HPSE2: variants seen among roughly 807,000 people sequenced by gnomAD.
HPSE2 encodes heparanase 2 (inactive).
HPSE2 carries 38 observed loss-of-function variants against 60.5 expected under a neutral mutation model. The ratio of observed to expected loss-of-function variants is 0.63; its 90% CI spans 0.48 to 0.82. The LOEUF is 0.82. Among genes scored for constraint, HPSE2 ranks in the 40% least tolerant of loss-of-function variants. HPSE2 has a pLI of 0.00. For missense variants in HPSE2, 713 were observed against 740.4 expected (o/e 0.96, Z 0.43); for synonymous variants, 295 against 293.2 (o/e 1.01, Z -0.06).
chr10:98,833,933 T>G (rs1951736684), intron 3 of HPSE2, among the ~76,000 whole-genome samples: 1 of 152,124 alleles, frequency 6.6e-6, no homozygotes. Context: ...TCAATCAGAC[T>G]TTAAGCAAGA....
intron 3 of HPSE2, among the ~76,000 whole-genome samples, chr10:98,897,667 C>A (rs1342259041): frequency 6.6e-6 from 1 of 151,940 alleles, no homozygotes; most frequent in East Asian, 1.9e-4. Flanking sequence ...AAAAACAAAG[C>A]TAGATTCAGA....
At chr10:98,843,138 G>A (rs552261466) in intron 3 of HPSE2, among the ~76,000 whole-genome samples, 1 of 151,578 alleles carries the variant, frequency 6.6e-6, no homozygotes, top group South Asian at 2.1e-4. Flanking sequence ...CATCACCCGG[G>A]TATTAAGCCT....
At chr10:99,138,340 T>A (rs1353472142) in intron 3 of HPSE2, among the ~76,000 whole-genome samples, 2 of 152,194 alleles carry the variant, frequency 1.3e-5, no homozygotes, top group Non-Finnish European at 2.9e-5. Flanking sequence ...TGGCAATTCC[T>A]CAAGGATCTA....
intron 3 of HPSE2, among the ~76,000 whole-genome samples, chr10:99,040,883 G>A (rs375018850): frequency 6.6e-6 from 1 of 151,920 alleles, no homozygotes; most frequent in Non-Finnish European, 1.5e-5. Flanking sequence ...TCAGGAGATC[G>A]AGACCATCCT....
At chr10:98,504,523 A>T (rs1473952277) in intron 9 of HPSE2, among the ~76,000 whole-genome samples, 1 of 152,216 alleles carries the variant, frequency 6.6e-6, no homozygotes, top group Non-Finnish European at 1.5e-5. Flanking sequence ...GCATTGGCTC[A>T]TGCCTATAAT....
chr10:98,655,156 A>G (rs1207037708), intron 6 of HPSE2, among the ~76,000 whole-genome samples: 1 of 151,898 alleles, frequency 6.6e-6, no homozygotes, highest in African/African-American at 2.4e-5. Flanking sequence ...CCCTGTATGT[A>G]AGACGGAAAG....
At chr10:99,168,579 CTT>C (rs1847177641) in intron 2 of HPSE2, among the ~76,000 whole-genome samples, 1 of 152,144 alleles carries the variant, frequency 6.6e-6, no homozygotes, top group South Asian at 2.1e-4. Flanking sequence ...ACATAAAACT[CTT>C]GAGTTTCTGC....
intron 7 of HPSE2, among the ~76,000 whole-genome samples, chr10:98,636,522 G>C (rs1040009853): frequency 2.0e-5 from 3 of 152,202 alleles, no homozygotes; most frequent in Non-Finnish European, 4.4e-5. Flanking sequence ...TTACAGGCAT[G>C]AGCCACTGTG....
At chr10:98,517,710 C>T (rs1253132269) in intron 9 of HPSE2, among the ~76,000 whole-genome samples, 1 of 152,202 alleles carries the variant, frequency 6.6e-6, no homozygotes, top group Non-Finnish European at 1.5e-5. Flanking sequence ...TGTTTGTGTA[C>T]ATCCCTAGTA....
At chr10:99,124,795 T>C (rs1845100804) in intron 3 of HPSE2, among the ~76,000 whole-genome samples, 1 of 152,236 alleles carries the variant, frequency 6.6e-6, no homozygotes, top group South Asian at 2.1e-4. Flanking sequence ...CAGCCATCAC[T>C]GGGCAGCTTC....
intron 3 of HPSE2, among the ~76,000 whole-genome samples, chr10:98,755,461 G>A (rs1234212667): frequency 2.0e-5 from 3 of 152,086 alleles, no homozygotes; most frequent in East Asian, 1.9e-4. Context: ...TTAGATCATC[G>A]AGGCAGAAAA....
chr10:98,735,223 A>C (rs1949324553), intron 4 of HPSE2, among the ~76,000 whole-genome samples: 1 of 151,140 alleles, frequency 6.6e-6, no homozygotes, highest in Non-Finnish European at 1.5e-5. Flanking sequence ...AAGATACCCG[A>C]AATGCGAAAG....
the HPSE2 span, among the ~76,000 whole-genome samples, chr10:99,294,572 C>T: frequency 6.6e-6 from 1 of 150,940 alleles, no homozygotes; most frequent in African/African-American, 2.4e-5. Flanking sequence ...CATTCTAAGA[C>T]ATTGTAAGTG....
At chr10:99,149,514 A>C (rs1406125357) in intron 2 of HPSE2, among the ~76,000 whole-genome samples, 1 of 152,188 alleles carries the variant, frequency 6.6e-6, no homozygotes, top group Non-Finnish European at 1.5e-5. Flanking sequence ...TTTCCTAATA[A>C]AGAAGGGAAT....
intron 3 of HPSE2, among the ~76,000 whole-genome samples, chr10:98,748,858 A>T (rs1350722444): frequency 6.6e-6 from 1 of 152,116 alleles, no homozygotes; most frequent in African/African-American, 2.4e-5. Context: ...GTTCATGACA[A>T]ACTGAGGAGG....
chr10:99,154,892 A>G (rs1846466622), intron 2 of HPSE2, among the ~76,000 whole-genome samples: 1 of 152,154 alleles, frequency 6.6e-6, no homozygotes, highest in Non-Finnish European at 1.5e-5. Flanking sequence ...GGCTCAAAAT[A>G]AAGGGATGGA....
chr10:98,736,037 T>G lies in HPSE2; in HGVS notation c.784+7846A>C, dbSNP rs150764872. 2.8e-3 allele frequency among the ~76,000 whole-genome samples: 426 copies of G among 152,238 alleles called. 1 individual carries two copies. The highest frequency in any genetic ancestry group is 0.014 in the Middle Eastern group (4 of 294). The stretch of plus-strand genomic sequence containing the variant: ...GTAGAATGATATGGTTTGGTTTGGC[T>G]GTGTCCCCACTCAAATCTCATCTTA... On this transcript the variant is annotated intron_variant, in intron 4 of 11. Transcript: ENST00000370552.
At chr10:98,528,736 A>T (rs966361278) in intron 9 of HPSE2, among the ~76,000 whole-genome samples, 1 of 152,220 alleles carries the variant, frequency 6.6e-6, no homozygotes, top group Non-Finnish European at 1.5e-5. Context: ...TTTCCGAGGG[A>T]AGTGCTGTGC....
chr10:98,463,369 T>C (rs1389912934), intron 11 of HPSE2, among the ~76,000 whole-genome samples: 1 of 152,218 alleles, frequency 6.6e-6, no homozygotes, highest in Admixed American at 6.5e-5. Flanking sequence ...GGGTTGCCAG[T>C]TATTGTAAGA....
Sources: gnomAD v4.1 joint callset for allele counts (sites outside exome capture counted in the v4.1 genomes callset) on GRCh38, gnomAD v4.1.1 for gene constraint, MANE v1.5 for transcripts, NCBI Gene and HGNC (gene_info 2026-07-23, HGNC 2026-07-21) for gene names.